The following MLIP variants were observed in gnomAD, a reference collection of about 807,000 sequenced individuals.
MLIP encodes the protein muscular LMNA interacting protein.
Under a neutral mutation model 84.8 loss-of-function variants are expected in MLIP, and 79 were observed. The observed-to-expected ratio is 0.93, with a 90% CI of 0.78 to 1.12. MLIP has a LOEUF of 1.12. MLIP is among the 50% of genes most tolerant of loss of function. The pLI is 0.00. For missense variants in MLIP, 1,257 were observed against 1,160.6 expected (o/e 1.08, Z -1.21); for synonymous variants, 504 against 463.0 (o/e 1.09, Z -1.14).
At chr6:54,105,656 G>A (rs1200248281) in intron 1 of MLIP, among the ~76,000 whole-genome samples, 1 of 152,164 alleles carries the variant, frequency 6.6e-6, no homozygotes, top group Non-Finnish European at 1.5e-5. Context: ...GCTAAGACGG[G>A]TAGAGAGTGC....
intron 12 of MLIP, among the ~76,000 whole-genome samples, chr6:54,239,625 A>C (rs1781599112): frequency 6.9e-6 from 1 of 144,434 alleles, no homozygotes. Context: ...TAAAAATACA[A>C]AAAAAAAAAA....
chr6:54,079,886 C>T (rs565388333), intron 1 of MLIP, among the ~76,000 whole-genome samples: 1 of 152,310 alleles, frequency 6.6e-6, no homozygotes, highest in South Asian at 2.1e-4. Flanking sequence ...GTCCCTCTTA[C>T]TGCCTTCCTC....
In MLIP at chr6:54,229,297, T is replaced by A. The variant is rs113698713; in HGVS notation, c.2719-1417T>A. Among the ~76,000 whole-genome samples, 637 of 152,284 alleles carry A rather than the reference T, an allele frequency of 4.2e-3. 4 individuals carry two copies. Among genetic ancestry groups the A allele is most frequent in the African/African-American group, 0.014 (601 of 41,562 alleles). On this transcript the variant is annotated intron_variant, in intron 11 of 13. Coordinates refer to ENST00000502396, the MANE Select transcript of MLIP (RefSeq NM_001281747.2). ...ATTCCAAAATTGTCAAATAAAAAAA[T>A]CAAACAAGACACAGAACATTGTAAA...
At chr6:54,217,436 A>C in intron 11 of MLIP, 2 of 985,420 alleles carry the variant, frequency 2.0e-6, no homozygotes, top group Non-Finnish European at 2.4e-6. Flanking sequence ...TAGAGCACCA[A>C]ATGCATCAGA....
At chr6:54,037,253 A>T (rs958245349) in intron 1 of MLIP, among the ~76,000 whole-genome samples, 1 of 152,054 alleles carries the variant, frequency 6.6e-6, no homozygotes, top group African/African-American at 2.4e-5. Context: ...TACATCGTAC[A>T]GCTGCAGCTC....
chr6:54,246,346 A>G (rs1452680151), intron 12 of MLIP, among the ~76,000 whole-genome samples: 2 of 152,012 alleles, frequency 1.3e-5, no homozygotes, highest in African/African-American at 4.8e-5. Flanking sequence ...TGATAGTCAT[A>G]TTTTCTGGTT....
chr6:54,194,527 A>G (rs188820609), intron 10 of MLIP, among the ~76,000 whole-genome samples: 60 of 152,228 alleles, frequency 3.9e-4, no homozygotes, highest in Admixed American at 8.5e-4. Flanking sequence ...CTTTATTTTT[A>G]TACAACTATT....
intron 12 of MLIP, among the ~76,000 whole-genome samples, chr6:54,248,446 C>G (rs1296992613): frequency 1.3e-5 from 2 of 152,092 alleles, no homozygotes; most frequent in Non-Finnish European, 2.9e-5. Flanking sequence ...AACCTGGGAG[C>G]TGTGCACTGA....
intron 5 of MLIP, among the ~76,000 whole-genome samples, chr6:54,150,943 G>A (rs1007513689): frequency 7.9e-5 from 12 of 152,090 alleles, no homozygotes; most frequent in African/African-American, 2.9e-4. Context: ...TGTGCAAAAG[G>A]TTTTGTGTTT....
At chr6:54,255,144 C>T (rs536614792) in intron 12 of MLIP, among the ~76,000 whole-genome samples, 2 of 152,242 alleles carry the variant, frequency 1.3e-5, no homozygotes, top group African/African-American at 4.8e-5. Context: ...CTTCCCCTGT[C>T]TCTCTGTCTT....
chr6:54,259,559 G>A (rs552745922), intron 13 of MLIP, among the ~76,000 whole-genome samples: 1 of 151,968 alleles, frequency 6.6e-6, no homozygotes, highest in African/African-American at 2.4e-5. Flanking sequence ...TGGTATAGAT[G>A]TAGTACTTGC....
rs1771922634 is a variant in MLIP at position 54,137,536 on chromosome 6, A to G, written c.1467A>G (p.Gln489=). 6.5e-7 allele frequency: 1 copy of G among 1,535,900 alleles called. No homozygotes were observed. Among genetic ancestry groups the G allele is most frequent in the Admixed American group, 2.0e-5 (1 of 50,960 alleles). ...TCCAGGTTTCTGAATTGACCCAGCA[A>G]TCTTTTCACCTGCCTGTTTTCACCA... ...GELQVSELTQ[Q]SFHLPVFTKS... Residue 489 remains glutamine, a synonymous_variant, in exon 4 of 14, where the codon CAA becomes CAG. Transcript: ENST00000502396.
chr6:54,083,678 A>G, intron 1 of MLIP: 1 of 1,495,914 alleles, frequency 6.7e-7, no homozygotes, highest in Non-Finnish European at 9.0e-7. Flanking sequence ...TACATTTAAC[A>G]TCAATGATAG....
At position 54,160,499 on chromosome 6, in the gene MLIP, G is replaced by A. The variant is rs1774510073; in HGVS notation, c.2356-17G>A. On this transcript the variant is annotated splice_polypyrimidine_tract_variant and intron_variant, in intron 6 of 13. Transcript: ENST00000502396. ...AAAACTTATTGCTAACCCAGTACCT[G>A]GTTTCAATTCTTCCAGCTCTATTTT... 1 of 1,611,742 alleles carries A rather than the reference G, an allele frequency of 6.2e-7. No homozygotes were observed. The highest frequency in any genetic ancestry group is 1.3e-5 in the African/African-American group (1 of 74,786).
At chr6:54,233,592 G>A (rs1582580226) in intron 12 of MLIP, among the ~76,000 whole-genome samples, 1 of 152,068 alleles carries the variant, frequency 6.6e-6, no homozygotes, top group East Asian at 1.9e-4. Context: ...TGGGCATTTG[G>A]GTTGGTTCCA....
intron 12 of MLIP, among the ~76,000 whole-genome samples, chr6:54,244,755 G>A (rs945019605): frequency 6.6e-6 from 1 of 152,162 alleles, no homozygotes. Flanking sequence ...CCAGGAAACT[G>A]AGAACAATCA....
intron 1 of MLIP, among the ~76,000 whole-genome samples, chr6:54,099,031 C>T (rs1768438588): frequency 6.6e-6 from 1 of 152,090 alleles, no homozygotes; most frequent in Admixed American, 6.5e-5. Flanking sequence ...AATGACTTTG[C>T]AAAAATCCAC....
chr6:54,050,577 T>C (rs755129887), intron 1 of MLIP, among the ~76,000 whole-genome samples: 7 of 152,200 alleles, frequency 4.6e-5, no homozygotes, highest in African/African-American at 7.2e-5. Flanking sequence ...AGATTGTTTA[T>C]AATTTGAGTT....
chr6:54,195,001 T>A (rs1482380465), intron 10 of MLIP, among the ~76,000 whole-genome samples: 1 of 152,106 alleles, frequency 6.6e-6, no homozygotes, highest in Non-Finnish European at 1.5e-5. Context: ...TAAATCTGTA[T>A]TATCTGAATG....
Sources: gnomAD v4.1 joint callset for allele counts (sites outside exome capture counted in the v4.1 genomes callset) on GRCh38, gnomAD v4.1.1 for gene constraint, MANE v1.5 for transcripts, NCBI Gene and HGNC (gene_info 2026-07-23, HGNC 2026-07-21) for gene names.